The following CSRNP3 variants were observed in gnomAD, a reference collection of about 807,000 sequenced individuals.
CSRNP3 encodes cysteine and serine rich nuclear protein 3.
A neutral mutation model predicts 48.0 loss-of-function variants in CSRNP3; 12 were observed. The ratio of observed to expected loss-of-function variants is 0.25; its 90% confidence interval spans 0.16 to 0.41. The LOEUF (loss-of-function observed/expected upper bound fraction) is 0.41. Ranked by LOEUF, CSRNP3 falls within the 10% of genes least tolerant of loss-of-function variation. The probability of loss-of-function intolerance (pLI) is 1.00; values close to 1 mark genes in which losing one functional copy is unlikely to be tolerated. For synonymous variants in CSRNP3, 263 were observed against 269.7 expected, an observed-to-expected ratio of 0.98 and a Z score of 0.24; for missense variants, 580 against 724.4, an observed-to-expected ratio of 0.80 and a Z score of 2.29.
rs1222528058 is a variant in CSRNP3, at chr2:165,679,950, A to G, written c.*197A>G. The G allele has an allele frequency of 2.8e-6, 2 of 716,160 alleles. No individual in the cohort carries two copies. Among genetic ancestry groups the G allele is most frequent in the African/African-American group, 3.6e-5 (2 of 56,012 alleles). 44.4% of individuals were successfully genotyped at this position (716,160 alleles called of 1,614,324 possible). A position where few individuals can be genotyped will look rare whatever the true frequency, so the allele number is the denominator to read the frequency against. On this transcript the variant is annotated 3_prime_UTR_variant, in exon 7 of 7. Transcript: ENST00000651982. ...CAAATACAGTCTCTGTAGGGATTTT[A>G]AAAGATTTCAGACTGTTTTGATAGA... is the stretch of plus-strand genomic sequence containing the variant.
At chr2:165,675,142 T>C (rs1442684682) in intron 5 of CSRNP3, among the ~76,000 whole-genome samples, 1 of 152,164 alleles carries the variant, frequency 6.6e-6, no homozygotes, top group African/African-American at 2.4e-5. Flanking sequence ...TTGAGGATTT[T>C]TTCTAATAAA....
At chr2:165,516,349 T>G (rs1280205280) in intron 2 of CSRNP3, among the ~76,000 whole-genome samples, 3 of 152,140 alleles carry the variant, frequency 2.0e-5, no homozygotes, top group Admixed American at 2.0e-4. Flanking sequence ...TGTATAATGT[T>G]CTCAATAGAA....
intron 3 of CSRNP3, among the ~76,000 whole-genome samples, chr2:165,562,254 A>G (rs1393414654): frequency 6.6e-6 from 1 of 152,224 alleles, no homozygotes; most frequent in East Asian, 1.9e-4. Context: ...GTTGAAGCAC[A>G]TCTCTTCTGC....
intron 3 of CSRNP3, among the ~76,000 whole-genome samples, chr2:165,593,823 T>A (rs1685765103): frequency 6.6e-6 from 1 of 152,194 alleles, no homozygotes; most frequent in African/African-American, 2.4e-5. Context: ...GCCTTATTAA[T>A]AAAGATTGGA....
chr2:165,623,039 C>A (rs1686366841), intron 4 of CSRNP3, among the ~76,000 whole-genome samples: 1 of 152,118 alleles, frequency 6.6e-6, no homozygotes. Context: ...TCTGCAGCCA[C>A]AGATTCGACC....
intron 4 of CSRNP3, among the ~76,000 whole-genome samples, chr2:165,599,475 G>C (rs1685876079): frequency 6.6e-6 from 1 of 152,008 alleles, no homozygotes; most frequent in South Asian, 2.1e-4. Flanking sequence ...TTTTTTTGTA[G>C]AGATGGGGTT....
rs369633832 is a variant in CSRNP3, at chr2:165,608,563, A to C, written c.148+13350A>C. Among the ~76,000 whole-genome samples, 21 of 152,136 alleles carry C rather than the reference A, an allele frequency of 1.4e-4. No homozygotes were observed. The East Asian group carries it at 1.9e-3, about 14-fold the overall frequency. On this transcript the variant is annotated intron_variant, in intron 4 of 6. Transcript: ENST00000651982. Reference sequence around the variant, plus strand: ...GTTATTTATAAACCTTAATATCTACATTTGTCTCATGTATGTGCTAATTGT... The same window carrying C: ...GTTATTTATAAACCTTAATATCTACCTTTGTCTCATGTATGTGCTAATTGT...
chr2:165,508,452 T>C (rs1156935044), intron 2 of CSRNP3, among the ~76,000 whole-genome samples: 1 of 152,164 alleles, frequency 6.6e-6, no homozygotes, highest in Non-Finnish European at 1.5e-5. Context: ...CTTCGTTTAA[T>C]ATTTCTTCCT....
intron 3 of CSRNP3, among the ~76,000 whole-genome samples, chr2:165,589,231 C>G (rs1489876318): frequency 1.3e-5 from 2 of 152,068 alleles, no homozygotes; most frequent in Non-Finnish European, 2.9e-5. Context: ...TCACTAAATC[C>G]TTATATTCTT....
At chr2:165,558,746 T>G (rs72877753) in intron 3 of CSRNP3, among the ~76,000 whole-genome samples, 86 of 152,320 alleles carry the variant, frequency 5.6e-4, no homozygotes, top group Non-Finnish European at 1.1e-3. Flanking sequence ...GTCAATGATT[T>G]TACGTATTAC....
chr2:165,550,849 G>C (rs111442450), intron 3 of CSRNP3, among the ~76,000 whole-genome samples: 5 of 150,984 alleles, frequency 3.3e-5, no homozygotes, highest in African/African-American at 1.2e-4. Context: ...AGAGTCGATT[G>C]TTCTGTGCAA....
At chr2:165,627,638 C>T (rs1458574548) in intron 4 of CSRNP3, among the ~76,000 whole-genome samples, 1 of 152,156 alleles carries the variant, frequency 6.6e-6, no homozygotes, top group Non-Finnish European at 1.5e-5. Context: ...CTGGTGCCCT[C>T]CACTACTAGA....
intron 2 of CSRNP3, among the ~76,000 whole-genome samples, chr2:165,498,367 C>T (rs998061695): frequency 1.3e-5 from 2 of 152,018 alleles, no homozygotes; most frequent in Non-Finnish European, 2.9e-5. Context: ...CAGATGGATG[C>T]CTGGACTCCC....
At chr2:165,527,340 G>C (rs192739110) in intron 3 of CSRNP3, among the ~76,000 whole-genome samples, 67 of 151,182 alleles carry the variant, frequency 4.4e-4, no homozygotes, top group African/African-American at 1.6e-3. Context: ...CCGAGTAGCT[G>C]GGACTACAGG....
At chr2:165,525,859 T>A (rs1445107898) in intron 3 of CSRNP3, among the ~76,000 whole-genome samples, 2 of 152,194 alleles carry the variant, frequency 1.3e-5, no homozygotes, top group Admixed American at 6.5e-5. Context: ...CTTCTAAATG[T>A]ATTATAATTT....
chr2:165,654,592 G>A (rs1359563344), intron 4 of CSRNP3, among the ~76,000 whole-genome samples: 1 of 152,032 alleles, frequency 6.6e-6, no homozygotes, highest in African/African-American at 2.4e-5. Flanking sequence ...GCTCCACACA[G>A]GCAGGGATCA....
rs979950165 is a variant in CSRNP3, at chr2:165,686,405, A to T, written c.*6652A>T. On this transcript the variant is annotated 3_prime_UTR_variant, in exon 7 of 7. Transcript: ENST00000651982. ...CAATTTTGTTTTGCTCCTCCTTTTC[A>T]TGTGGTCACCAAGCTTTTTTCCTTA... is the stretch of plus-strand genomic sequence containing the variant. 1 of 152,032 alleles carries T rather than the reference A, an allele frequency of 6.6e-6. No individual in the cohort carries two copies. Among genetic ancestry groups the T allele is most frequent in the Non-Finnish European group, 1.5e-5 (1 of 67,982 alleles). 9.4% of individuals were successfully genotyped at this position (152,032 alleles called of 1,614,324 possible). A position where few individuals can be genotyped will look rare whatever the true frequency, so the allele number is the denominator to read the frequency against.
At chr2:165,593,586 C>T (rs1349165947) in intron 3 of CSRNP3, among the ~76,000 whole-genome samples, 8 of 152,152 alleles carry the variant, frequency 5.3e-5, no homozygotes, top group Non-Finnish European at 8.8e-5. Flanking sequence ...GAACACGCTG[C>T]TTGCTCTGTG....
intron 2 of CSRNP3, among the ~76,000 whole-genome samples, chr2:165,503,568 T>C (rs1684386341): frequency 6.6e-6 from 1 of 152,006 alleles, no homozygotes; most frequent in South Asian, 2.1e-4. Flanking sequence ...TCTCACATGA[T>C]TATTATTTAA....
Sources: allele counts gnomAD v4.1 joint callset (sites outside exome capture counted in the v4.1 genomes callset), GRCh38; gene constraint gnomAD v4.1.1; transcripts MANE v1.5; gene names NCBI Gene and HGNC (gene_info 2026-07-23, HGNC 2026-07-21).